SLC38A6: variants seen among roughly 807,000 people sequenced by gnomAD.
The protein encoded by SLC38A6 is N system amino acid transporter NAT-1.
In SLC38A6, 73 loss-of-function variants were observed where a neutral mutation model predicts 65.0. The observed-to-expected ratio is 1.12, with a 90% CI of 0.93 to 1.37. The LOEUF (loss-of-function observed/expected upper bound fraction) is 1.37, where lower values mean the gene tolerates loss of function less well. Ranked by LOEUF, SLC38A6 falls within the 40% of genes most tolerant of loss-of-function variation. The pLI is 0.00. For missense variants in SLC38A6, 561 were observed against 531.1 expected, an observed-to-expected ratio of 1.06 and a Z score of -0.55; for synonymous variants, 183 against 178.8, an observed-to-expected ratio of 1.02 and a Z score of -0.19.
At chr14:61,048,771 G>T (rs898188845) in intron 12 of SLC38A6, among the ~76,000 whole-genome samples, 2 of 152,132 alleles carry the variant, frequency 1.3e-5, no homozygotes, top group Non-Finnish European at 2.9e-5. Context: ...AGAGAAAAGG[G>T]TTCCTCTGGT....
chr14:61,045,299 C>A, intron 10 of SLC38A6, 47 bp from the exon 11 acceptor site: 1 of 1,188,388 alleles, frequency 8.4e-7, no homozygotes, highest in Non-Finnish European at 1.3e-6. Flanking sequence ...ATAATGGTTT[C>A]AGTAGAGTGG....
At chr14:61,083,725 A>T, downstream of SLC38A6, 3 of 1,546,158 alleles carry the variant, frequency 1.9e-6, no homozygotes, top group Non-Finnish European at 2.6e-6. Flanking sequence ...GATGTTGTTT[A>T]ATCACCCAGT....
chr14:61,039,185 A>G (rs1165783315), intron 8 of SLC38A6, among the ~76,000 whole-genome samples: 1 of 152,172 alleles, frequency 6.6e-6, no homozygotes, highest in East Asian at 1.9e-4. Context: ...CTTTAATTCA[A>G]TGCAGATTTC....
At chr14:61,040,528 A>G (rs1383533953) in intron 8 of SLC38A6, among the ~76,000 whole-genome samples, 5 of 151,928 alleles carry the variant, frequency 3.3e-5, no homozygotes, top group Non-Finnish European at 5.9e-5. Context: ...TTTAGTAGAG[A>G]CAGGGTTTGA....
At chr14:61,079,120 T>C (rs1490163098) in intron 16 of SLC38A6, among the ~76,000 whole-genome samples, 1 of 145,772 alleles carries the variant, frequency 6.9e-6, no homozygotes, top group African/African-American at 2.5e-5. Context: ...TCCTATGAGT[T>C]CCTGCCTCCA....
chr14:60,990,154 C>T (rs1001749508), intron 3 of SLC38A6, among the ~76,000 whole-genome samples: 6 of 152,086 alleles, frequency 3.9e-5, no homozygotes, highest in African/African-American at 1.4e-4. Context: ...CCTCAGCCGT[C>T]TGAGTAGGTG....
intron 15 of SLC38A6, among the ~76,000 whole-genome samples, chr14:61,064,053 A>C (rs1380949941): frequency 6.6e-6 from 1 of 152,224 alleles, no homozygotes; most frequent in African/African-American, 2.4e-5. Context: ...TTATTTTCAG[A>C]ATCTTTCTCT....
chr14:61,030,483 CCTG>C lies in SLC38A6; in HGVS notation c.448_450del (p.Ala150del). 6.2e-7 allele frequency: 1 copy of C among 1,611,282 alleles called. No homozygotes were observed. Among genetic ancestry groups the C allele is most frequent in the Non-Finnish European group, 8.5e-7 (1 of 1,178,736 alleles). On this transcript the variant is annotated inframe_deletion, in exon 6 of 16. Transcript: ENST00000267488. Reference sequence around the variant, plus strand: ...TCTTTTAATTATTAAAACAGAGCTTCCTGCTGCTATTGCAGAATTTTTGACTGG... The same window carrying C: ...TCTTTTAATTATTAAAACAGAGCTTCCTGCTATTGCAGAATTTTTGACTGG...
intron 3 of SLC38A6, among the ~76,000 whole-genome samples, chr14:60,992,150 T>C (rs890463457): frequency 6.6e-6 from 1 of 152,198 alleles, no homozygotes; most frequent in African/African-American, 2.4e-5. Flanking sequence ...CATTATAAAC[T>C]TTTATAGCTT....
intron 3 of SLC38A6, among the ~76,000 whole-genome samples, chr14:61,001,212 G>A (rs971777759): frequency 9.2e-5 from 14 of 152,128 alleles, no homozygotes; most frequent in African/African-American, 3.1e-4. Flanking sequence ...GCAGGTAGTG[G>A]GTAAAGGCCA....
intron 3 of SLC38A6, among the ~76,000 whole-genome samples, chr14:61,007,643 A>G (rs1036314938): frequency 2.0e-5 from 3 of 152,182 alleles, no homozygotes; most frequent in Admixed American, 6.5e-5. Flanking sequence ...CCCTGTCTCA[A>G]AAAAATAAGA....
intron 5 of SLC38A6, among the ~76,000 whole-genome samples, chr14:61,023,499 G>T (rs1253248934): frequency 6.6e-6 from 1 of 151,334 alleles, no homozygotes; most frequent in Non-Finnish European, 1.5e-5. Context: ...TTTAAACCCG[G>T]TAGACGGAGG....
intron 3 of SLC38A6, among the ~76,000 whole-genome samples, chr14:60,988,950 C>T (rs2037655406): frequency 1.3e-5 from 2 of 152,228 alleles, no homozygotes; most frequent in Non-Finnish European, 2.9e-5. Context: ...ACCTATGATG[C>T]TATCACACAA....
intron 5 of SLC38A6, among the ~76,000 whole-genome samples, chr14:61,021,296 C>G (rs1352416131): frequency 6.6e-6 from 1 of 152,100 alleles, no homozygotes; most frequent in African/African-American, 2.4e-5. Flanking sequence ...AAGGGAAATG[C>G]TAGACCGGCA....
chr14:61,051,182 A>C (rs908559263), intron 13 of SLC38A6, among the ~76,000 whole-genome samples: 2 of 152,300 alleles, frequency 1.3e-5, no homozygotes, highest in East Asian at 3.9e-4. Flanking sequence ...TTTGGGTATA[A>C]ATGCATCTGC....
Position 61,052,089 on chromosome 14 carries a change from A to G in SLC38A6, c.1244A>G (p.Tyr415Cys), listed in dbSNP as rs773097908. The G allele has an allele frequency of 8.9e-6, 14 of 1,579,058 alleles. No individual in the cohort carries two copies. Among genetic ancestry groups the G allele is most frequent in the African/African-American group, 2.8e-5 (2 of 72,394 alleles). Reference sequence around the variant, plus strand: ...ATTTTTATATTCCCAGGACTATTTTATCTTAAACTTAGCAGAGAGGATTTT... The same window carrying G: ...ATTTTTATATTCCCAGGACTATTTTGTCTTAAACTTAGCAGAGAGGATTTT... ...CLIFIFPGLF[Y>C]LKLSREDFLS... The change falls in exon 15 of 16, where the codon TAT (tyrosine) becomes TGT (cysteine). Residue 415 changes from tyrosine to cysteine, a missense_variant. Transcript: ENST00000267488.
At chr14:61,013,403 A>G (rs966167416) in intron 3 of SLC38A6, among the ~76,000 whole-genome samples, 4 of 152,156 alleles carry the variant, frequency 2.6e-5, no homozygotes, top group African/African-American at 9.7e-5. Flanking sequence ...TAGTATTGTT[A>G]TGTGTGAATT....
In SLC38A6 at chr14:60,998,176, G is replaced by A. The variant is rs545660329; in HGVS notation, c.310+13373G>A. Among the ~76,000 whole-genome samples, 6 of 151,820 alleles carry A rather than the reference G, an allele frequency of 4.0e-5. No individual in the cohort carries two copies. In the East Asian group the frequency reaches 9.7e-4, roughly 25 times the overall value. Reference sequence around the variant, plus strand: ...GCAGGGAAATACTGGGTAGAAGAGGGTGGTTCCCCAGCAAAGGCCCCCACC... The same window carrying A: ...GCAGGGAAATACTGGGTAGAAGAGGATGGTTCCCCAGCAAAGGCCCCCACC... On this transcript the variant is annotated intron_variant, in intron 3 of 15. Coordinates refer to ENST00000267488, the MANE Select transcript of SLC38A6 (RefSeq NM_153811.3).
chr14:61,003,408 A>G (rs539241272), intron 3 of SLC38A6, among the ~76,000 whole-genome samples: 1 of 152,196 alleles, frequency 6.6e-6, no homozygotes, highest in Admixed American at 6.5e-5. Context: ...TTGAGCATTT[A>G]GGTTAGTTTT....
Sources: allele counts gnomAD v4.1 joint callset (sites outside exome capture counted in the v4.1 genomes callset), GRCh38; gene constraint gnomAD v4.1.1; transcripts MANE v1.5; gene names NCBI Gene and HGNC (gene_info 2026-07-23, HGNC 2026-07-21).